Variants in PLD1 observed in about 807,000 individuals in gnomAD.
The protein encoded by PLD1 is phospholipase D1.
A neutral mutation model predicts 137.1 loss-of-function variants in PLD1; 112 were observed. The ratio of observed to expected loss-of-function variants is 0.82; its 90% CI spans 0.70 to 0.96. PLD1 has a LOEUF of 0.96. Ranked by LOEUF, PLD1 falls within the 40% of genes least tolerant of loss-of-function variation. The pLI is 0.00. For synonymous variants in PLD1, 431 were observed against 454.7 expected (o/e 0.95, Z 0.66); for missense variants, 1,321 against 1,342.0 (o/e 0.98, Z 0.24).
intron 24 of PLD1, among the ~76,000 whole-genome samples, chr3:171,618,848 A>AGTGTGTGT (rs138468678): frequency 0.02 from 2,512 of 128,650 alleles, 41 homozygotes; most frequent in African/African-American, 0.027. Context: ...AAATATTAAA[A>AGTGTGTGT]GTGTGTGTGC....
intron 16 of PLD1, among the ~76,000 whole-genome samples, chr3:171,680,470 G>A (rs777086269): frequency 4.0e-5 from 6 of 151,772 alleles, no homozygotes; most frequent in Admixed American, 3.3e-4. Flanking sequence ...TCCTGACCTC[G>A]TGATCTGCCT....
intron 9 of PLD1, 68 bp from the exon 10 acceptor site, chr3:171,709,777 G>A (rs1051435078): frequency 1.0e-5 from 14 of 1,354,404 alleles, no homozygotes; most frequent in South Asian, 3.2e-5. Context: ...TTTTTTATTT[G>A]GTAATATACC....
intron 19 of PLD1, among the ~76,000 whole-genome samples, chr3:171,670,345 G>C (rs141101725): frequency 6.6e-6 from 1 of 152,144 alleles, no homozygotes; most frequent in African/African-American, 2.4e-5. Context: ...ATACCCTGAG[G>C]CCTCTTTAAT....
At position 171,735,514 on chromosome 3, in the gene PLD1, G is replaced by A. The variant is rs371793757; in HGVS notation, c.412C>T (p.Arg138Cys). The A allele has an allele frequency of 4.1e-5, 66 of 1,613,200 alleles. No individual in the cohort carries two copies. The highest frequency in any genetic ancestry group is 3.7e-4 in the South Asian group (34 of 91,060). ...TACCTTCTAGTGGGAATGGGGATGC[G>A]GATAAAGGCTTTGTACTTGAGCAGC... The part of the protein sequence containing the change: ...RELLKYKAFI[R>C]IPIPTRRHTF... The change falls in exon 4 of 27, where the codon CGC becomes TGC. Residue 138 changes from arginine to cysteine, a missense_variant. By Grantham distance (180) the Arg-to-Cys change is radical. Transcript: ENST00000351298.
rs1226785073 is a variant in PLD1 at position 171,639,570 on chromosome 3, TA to T, written c.2593+3269del. Among the ~76,000 whole-genome samples, 346 of 90,922 alleles carry T rather than the reference TA, an allele frequency of 3.8e-3. 4 individuals are homozygous for T. The highest frequency in any genetic ancestry group is 7.8e-3 in the African/African-American group (165 of 21,116). 59.6% of individuals were successfully genotyped at this position (90,922 alleles called of 152,430 possible). Reference sequence around the variant, plus strand: ...ATATATTCATATAATATATATTATATATAATATATATTCATATAATATATAT... The same window carrying T: ...ATATATTCATATAATATATATTATATTAATATATATTCATATAATATATAT... On this transcript the variant is annotated intron_variant, in intron 23 of 26. Coordinates refer to ENST00000351298, the MANE Select transcript of PLD1 (RefSeq NM_002662.5).
chr3:171,640,953 T>A (rs1457500015), intron 23 of PLD1, among the ~76,000 whole-genome samples: 1 of 152,172 alleles, frequency 6.6e-6, no homozygotes, highest in Admixed American at 6.6e-5. Flanking sequence ...AAATACCAGG[T>A]TTTTTAAAAA....
intron 1 of PLD1, among the ~76,000 whole-genome samples, chr3:171,784,752 G>A (rs1722929116): frequency 6.6e-6 from 1 of 152,056 alleles, no homozygotes; most frequent in African/African-American, 2.4e-5. Flanking sequence ...AACCACCAAA[G>A]CTTTTTACCT....
At chr3:171,764,946 GAAAGAAAGAAAGAAA>G (rs1560289542) in intron 1 of PLD1, among the ~76,000 whole-genome samples, 22 of 22,934 alleles carry the variant, frequency 9.6e-4, no homozygotes, top group South Asian at 1.7e-3. Context: ...AAGAAAGAAA[GAAAGAAAGAAAGAAA>G]GAAAGAAAGA....
intron 20 of PLD1, among the ~76,000 whole-genome samples, chr3:171,660,484 T>C (rs1177292159): frequency 6.6e-6 from 1 of 152,254 alleles, no homozygotes; most frequent in Non-Finnish European, 1.5e-5. Context: ...TGCTGACTGC[T>C]TATCTTGACT....
chr3:171,760,786 T>C (rs1395187909), intron 1 of PLD1, among the ~76,000 whole-genome samples: 1 of 152,196 alleles, frequency 6.6e-6, no homozygotes, highest in Non-Finnish European at 1.5e-5. Context: ...ATCACATGCA[T>C]GAGTTTTCCA....
At chr3:171,732,422 T>C (rs1407085106) in intron 6 of PLD1, among the ~76,000 whole-genome samples, 1 of 152,180 alleles carries the variant, frequency 6.6e-6, no homozygotes, top group African/African-American at 2.4e-5. Context: ...GGTAGTGACC[T>C]GGATCCAGGT....
chr3:171,699,467 AT>A (rs1160492524), intron 12 of PLD1, among the ~76,000 whole-genome samples: 5 of 152,162 alleles, frequency 3.3e-5, no homozygotes, highest in African/African-American at 9.7e-5. Context: ...TTTTATTATA[AT>A]TTTTTTGCCT....
intron 1 of PLD1, among the ~76,000 whole-genome samples, chr3:171,808,460 C>G (rs557215798): frequency 6.6e-6 from 1 of 151,996 alleles, no homozygotes; most frequent in Non-Finnish European, 1.5e-5. Flanking sequence ...GGCGTGAACC[C>G]GGGAGGTGGA....
chr3:171,691,781 TTTG>T (rs1465761583), intron 13 of PLD1, among the ~76,000 whole-genome samples: 6 of 152,092 alleles, frequency 3.9e-5, no homozygotes, highest in Admixed American at 2.0e-4. Flanking sequence ...CTGCTGGAGG[TTTG>T]TTAATTCATT....
At chr3:171,725,352 G>A (rs549019928) in intron 7 of PLD1, among the ~76,000 whole-genome samples, 2 of 152,274 alleles carry the variant, frequency 1.3e-5, no homozygotes, top group Non-Finnish European at 2.9e-5. Context: ...GGACATCTCT[G>A]TGTCTCTTCA....
chr3:171,804,947 C>T (rs1284293508), intron 1 of PLD1, among the ~76,000 whole-genome samples: 2 of 152,218 alleles, frequency 1.3e-5, no homozygotes, highest in African/African-American at 2.4e-5. Flanking sequence ...TCTCCCCTCC[C>T]TTTCTACGGC....
intron 1 of PLD1, among the ~76,000 whole-genome samples, chr3:171,753,850 C>G (rs888771116): frequency 6.6e-5 from 10 of 152,160 alleles, no homozygotes; most frequent in African/African-American, 2.4e-4. Context: ...CCCTGTGATT[C>G]ATAGTTGAGG....
chr3:171,628,561 AAG>A (rs1214635570), intron 23 of PLD1, among the ~76,000 whole-genome samples: 2 of 152,132 alleles, frequency 1.3e-5, no homozygotes, highest in Non-Finnish European at 2.9e-5. Flanking sequence ...ACAACCAAAA[AAG>A]AGAATTTTAG....
At chr3:171,652,188 C>T (rs1196592706) in intron 21 of PLD1, among the ~76,000 whole-genome samples, 4 of 151,764 alleles carry the variant, frequency 2.6e-5, no homozygotes, top group African/African-American at 4.8e-5. Flanking sequence ...CCAAGGCGGG[C>T]GGACCACGAG....
Sources: gnomAD v4.1 joint callset for allele counts (sites outside exome capture counted in the v4.1 genomes callset) on GRCh38, gnomAD v4.1.1 for gene constraint, MANE v1.5 for transcripts, NCBI Gene and HGNC (gene_info 2026-07-23, HGNC 2026-07-21) for gene names.